Variants in ELF1 observed in about 807,000 individuals in gnomAD.
ELF1 encodes E74 like ETS transcription factor 1.
A neutral mutation model predicts 59.9 loss-of-function variants in ELF1; 24 were observed. The ratio of observed to expected loss-of-function variants is 0.40; its 90% CI spans 0.29 to 0.56. The LOEUF is 0.56. ELF1 is among the 20% of genes least tolerant of loss of function. The probability of loss-of-function intolerance (pLI) is 0.44; values close to 1 mark genes in which losing one functional copy is unlikely to be tolerated. For synonymous variants in ELF1, 248 were observed against 266.2 expected (o/e 0.93, Z 0.67); for missense variants, 627 against 742.2 (o/e 0.84, Z 1.80).
chr13:41,061,301 A>G (rs1003095194), exon 1 of ELF1: 6 of 355,898 alleles, frequency 1.7e-5, no homozygotes, highest in East Asian at 5.7e-5. Flanking sequence ...TTTGGGCCCC[A>G]GGGGAGGACA....
chr13:41,027,243 TAAC>T (rs1382482841), intron 1 of ELF1, among the ~76,000 whole-genome samples: 1 of 152,230 alleles, frequency 6.6e-6, no homozygotes, highest in African/African-American at 2.4e-5. Context: ...AGATCTCTCC[TAAC>T]TGGGCAAAGG....
At chr13:40,967,631 C>T (rs1363651196) in intron 2 of ELF1, among the ~76,000 whole-genome samples, 2 of 152,082 alleles carry the variant, frequency 1.3e-5, no homozygotes, top group African/African-American at 2.4e-5. Flanking sequence ...CTTGCTCTGT[C>T]GCCTCGCTGG....
upstream of ELF1, among the ~76,000 whole-genome samples, chr13:41,024,267 G>C (rs1875796587): frequency 6.6e-6 from 1 of 152,170 alleles, no homozygotes; most frequent in African/African-American, 2.4e-5. Flanking sequence ...GTGGAGGTCA[G>C]GCTTATGAGA....
At chr13:41,034,069 A>T (rs562318532) in intron 1 of ELF1, among the ~76,000 whole-genome samples, 11 of 152,358 alleles carry the variant, frequency 7.2e-5, no homozygotes, top group African/African-American at 2.6e-4. Flanking sequence ...ATGAAATTTT[A>T]AAAAACCTCC....
At chr13:40,999,081 T>C (rs1418594864) in intron 1 of ELF1, among the ~76,000 whole-genome samples, 1 of 152,224 alleles carries the variant, frequency 6.6e-6, no homozygotes, top group Non-Finnish European at 1.5e-5. Context: ...TAGAGGCACC[T>C]GTGCTATTAT....
chr13:40,971,280 C>T (rs1203368145), intron 2 of ELF1, among the ~76,000 whole-genome samples: 1 of 151,798 alleles, frequency 6.6e-6, no homozygotes, highest in Non-Finnish European at 1.5e-5. Flanking sequence ...TTTTTTGAGA[C>T]AGGGTCTTAC....
chr13:41,060,950 T>A (rs867626844), exon 1 of ELF1: 3 of 318,128 alleles, frequency 9.4e-6, no homozygotes, highest in African/African-American at 8.3e-5. Flanking sequence ...CCGCCGCTGC[T>A]GCTGCCCACA....
At chr13:40,992,567 CAT>C (rs1593383520) in intron 1 of ELF1, among the ~76,000 whole-genome samples, 1 of 152,182 alleles carries the variant, frequency 6.6e-6, no homozygotes, top group South Asian at 2.1e-4. Flanking sequence ...TCACATTGCA[CAT>C]ATGACATATT....
intron 5 of ELF1, among the ~76,000 whole-genome samples, chr13:40,945,187 T>A (rs1436401131): frequency 1.3e-5 from 2 of 152,150 alleles, no homozygotes; most frequent in African/African-American, 4.8e-5. Flanking sequence ...TTAAAAAAAA[T>A]AGATATCGTC....
upstream of ELF1, among the ~76,000 whole-genome samples, chr13:41,024,310 T>C (rs1875798459): frequency 6.6e-6 from 1 of 151,604 alleles, no homozygotes; most frequent in South Asian, 2.1e-4. Context: ...TGTTTGTTTG[T>C]TTTGGGGGGG....
exon 1 of ELF1, chr13:41,061,031 C>T (rs1160711311): frequency 9.5e-6 from 2 of 210,106 alleles, no homozygotes; most frequent in African/African-American, 4.6e-5. Flanking sequence ...GGCGGGGCCG[C>T]TCCGCTGCAA....
chr13:40,973,602 T>C (rs1872718345), intron 2 of ELF1, among the ~76,000 whole-genome samples: 1 of 152,062 alleles, frequency 6.6e-6, no homozygotes, highest in South Asian at 2.1e-4. Context: ...AGGGGAAATT[T>C]TTTTAAGTTA....
chr13:41,042,131 T>A (rs537838085), intron 1 of ELF1, among the ~76,000 whole-genome samples: 161 of 152,216 alleles, frequency 1.1e-3, no homozygotes, highest in Non-Finnish European at 2.1e-3. Flanking sequence ...CAAGGGATCC[T>A]CCTACCTGAG....
Position 41,053,687 on chromosome 13 carries a change from G to A in ELF1, c.-229+7151C>T, listed in dbSNP as rs140876242. 1.8e-4 allele frequency among the ~76,000 whole-genome samples: 27 copies of A among 152,236 alleles called. 1 individual carries two copies. In the South Asian group the frequency reaches 5.6e-3, roughly 32 times the overall value. ...TTGGCTGTAAACAGCTCATCTCTTA[G>A]GAAAGTTTTATTTGGTCGTGAGTCC... On this transcript the variant is annotated intron_variant, in intron 1 of 1. Transcript: ENST00000405737.
At chr13:41,015,200 T>C (rs760902108) in intron 1 of ELF1, among the ~76,000 whole-genome samples, 3 of 151,926 alleles carry the variant, frequency 2.0e-5, no homozygotes, top group African/African-American at 4.8e-5. Flanking sequence ...AAGAGTTCAC[T>C]GAGAAATAAA....
intron 3 of ELF1, among the ~76,000 whole-genome samples, chr13:40,951,866 T>TAA (rs530966733): frequency 2.8e-5 from 4 of 142,798 alleles, no homozygotes; most frequent in Admixed American, 1.4e-4. Flanking sequence ...GACTCTGTCT[T>TAA]AAAAAAAAAA....
chr13:41,008,411 A>G (rs1459313472), intron 1 of ELF1, among the ~76,000 whole-genome samples: 1 of 152,234 alleles, frequency 6.6e-6, no homozygotes, highest in South Asian at 2.1e-4. Context: ...ACTGAAAATC[A>G]GAATTTTGGA....
intron 8 of ELF1, among the ~76,000 whole-genome samples, chr13:40,934,416 CTTTT>C (rs10692930): frequency 9.8e-5 from 10 of 102,464 alleles, no homozygotes; most frequent in Non-Finnish European, 1.7e-4. Context: ...TTCATTCCTG[CTTTT>C]TTTTTTTTTT....
intron 1 of ELF1, among the ~76,000 whole-genome samples, chr13:41,015,567 T>C (rs1593396449): frequency 6.6e-6 from 1 of 152,200 alleles, no homozygotes; most frequent in African/African-American, 2.4e-5. Context: ...TAAGCACCTA[T>C]GTCATAATCA....
Sources: allele counts gnomAD v4.1 joint callset (sites outside exome capture counted in the v4.1 genomes callset), GRCh38; gene constraint gnomAD v4.1.1; transcripts MANE v1.5; gene names NCBI Gene and HGNC (gene_info 2026-07-23, HGNC 2026-07-21).